Variants in AIG1 observed in about 807,000 individuals in gnomAD.
AIG1 encodes androgen induced 1.
Under a neutral mutation model 31.4 loss-of-function variants are expected in AIG1, and 23 were observed. The ratio of observed to expected loss-of-function variants is 0.73; its 90% CI spans 0.53 to 1.04. AIG1 has a LOEUF of 1.04. Ranked by LOEUF, AIG1 falls within the 50% of genes least tolerant of loss-of-function variation. AIG1 has a pLI of 0.00. For synonymous variants in AIG1, 100 were observed against 110.5 expected, an observed-to-expected ratio of 0.90 and a Z score of 0.60; for missense variants, 274 against 295.0, an observed-to-expected ratio of 0.93 and a Z score of 0.52.
At chr6:143,165,318 A>C (rs1019805804) in intron 3 of AIG1, 135 bp downstream of exon 3, 1 of 636,500 alleles carries the variant, frequency 1.6e-6, no homozygotes, top group Non-Finnish European at 2.7e-6. Context: ...GGAGATTAAA[A>C]TTAGAGAATA....
Position 143,288,956 on chromosome 6 carries a change from C to G in AIG1, c.515+4731C>G, listed in dbSNP as rs1248269262. Among the ~76,000 whole-genome samples the G allele has an allele frequency of 6.6e-6, 1 of 152,146 alleles. No homozygotes were observed. Among genetic ancestry groups the G allele is most frequent in the Non-Finnish European group, 1.5e-5 (1 of 68,032 alleles). ...GTTGTTTGAAAGAGTTAAGCTTTGT[C>G]TAAAGACTTTAAGTCAGTAGAAAGA... is the stretch of plus-strand genomic sequence containing the variant. On this transcript the variant is annotated intron_variant, in intron 4 of 5. Transcript: ENST00000357847. This position sits in a 1 kb window ranked among gnomAD's most constrained non-coding sequence, Gnocchi z 4.4.
chr6:143,077,770 T>C (rs192548999), intron 1 of AIG1, among the ~76,000 whole-genome samples: 1 of 152,346 alleles, frequency 6.6e-6, no homozygotes, highest in Non-Finnish European at 1.5e-5. Flanking sequence ...TCTTCAAATA[T>C]TTTTTCTATG....
At chr6:143,190,526 G>A in intron 3 of AIG1, 4 of 985,038 alleles carry the variant, frequency 4.1e-6, no homozygotes, top group Non-Finnish European at 3.6e-6. Flanking sequence ...TCATTGTCCT[G>A]TTCTTTTTAA....
intron 3 of AIG1, among the ~76,000 whole-genome samples, chr6:143,229,202 T>G (rs1439841651): frequency 1.3e-5 from 2 of 152,270 alleles, no homozygotes; most frequent in Non-Finnish European, 2.9e-5. Context: ...TTGTACTTAC[T>G]ACTCATATAT....
chr6:143,223,817 A>G (rs1051659660), intron 3 of AIG1, among the ~76,000 whole-genome samples: 2 of 152,230 alleles, frequency 1.3e-5, no homozygotes, highest in Non-Finnish European at 2.9e-5. Context: ...TTTTTAACAG[A>G]ATAACTATTT....
At chr6:143,130,788 A>G (rs1024361011) in intron 1 of AIG1, among the ~76,000 whole-genome samples, 1 of 152,114 alleles carries the variant, frequency 6.6e-6, no homozygotes, top group Non-Finnish European at 1.5e-5. Context: ...AATGTGCATC[A>G]TTGGGGTTTG....
intron 1 of AIG1, chr6:143,061,692 G>A (rs9484698): frequency 0.012 from 2,436 of 197,470 alleles, 64 homozygotes; most frequent in African/African-American, 0.052. Context: ...CAAGGTGACT[G>A]TACACACTTC....
At chr6:143,165,762 CTCAG>C (rs1786869639) in intron 3 of AIG1, among the ~76,000 whole-genome samples, 1 of 152,192 alleles carries the variant, frequency 6.6e-6, no homozygotes, top group Non-Finnish European at 1.5e-5. Context: ...TTTCCTTCTT[CTCAG>C]TCTAATTCTT....
At chr6:143,205,251 A>C (rs1420744203) in intron 3 of AIG1, among the ~76,000 whole-genome samples, 1 of 152,186 alleles carries the variant, frequency 6.6e-6, no homozygotes, top group Non-Finnish European at 1.5e-5. Context: ...AAAACATGAA[A>C]TCTGCTTTCT....
intron 1 of AIG1, among the ~76,000 whole-genome samples, chr6:143,117,257 G>A (rs1458760457): frequency 6.6e-6 from 1 of 152,102 alleles, no homozygotes; most frequent in Non-Finnish European, 1.5e-5. Flanking sequence ...GCAGGGAAGG[G>A]CCTGTGGGAC....
rs984178615 is a variant in AIG1, at chr6:143,291,617, C to T, written c.515+7392C>T. 1.3e-5 allele frequency among the ~76,000 whole-genome samples: 2 copies of T among 152,172 alleles called. No homozygotes were observed. Among genetic ancestry groups the T allele is most frequent in the Admixed American group, 6.5e-5 (1 of 15,276 alleles). ...ATATTCATCCTTCTTCCATTTCCCCCGCCAGAAAGGAAAGAGGCATCTCAG... is the reference window on the plus strand; with the variant it reads ...ATATTCATCCTTCTTCCATTTCCCCTGCCAGAAAGGAAAGAGGCATCTCAG... On this transcript the variant is annotated intron_variant, in intron 4 of 5. Coordinates refer to ENST00000357847, the MANE Select transcript of AIG1 (RefSeq NM_016108.4). This position sits in a 1 kb window ranked among gnomAD's most constrained non-coding sequence, Gnocchi z 4.2.
chr6:143,083,519 G>A (rs1778478802), intron 1 of AIG1, among the ~76,000 whole-genome samples: 1 of 152,184 alleles, frequency 6.6e-6, no homozygotes, highest in African/African-American at 2.4e-5. Context: ...TTGGGAAAGT[G>A]GAGTATAAGG....
intron 3 of AIG1, among the ~76,000 whole-genome samples, chr6:143,178,734 C>T (rs1227165589): frequency 1.3e-5 from 2 of 152,216 alleles, no homozygotes; most frequent in Non-Finnish European, 2.9e-5. Flanking sequence ...CTGAGTACCT[C>T]TAGTCAGCCA....
chr6:143,307,583 G>A (rs1357482724), intron 4 of AIG1, among the ~76,000 whole-genome samples: 1 of 152,178 alleles, frequency 6.6e-6, no homozygotes, highest in Non-Finnish European at 1.5e-5. Context: ...GGAGTACCTG[G>A]CAGTGTGAGG....
chr6:143,077,702 G>A (rs983498200), intron 1 of AIG1, among the ~76,000 whole-genome samples: 2 of 152,164 alleles, frequency 1.3e-5, no homozygotes, highest in African/African-American at 4.8e-5. Context: ...AGTGTGCTGA[G>A]CTTCTTGAAT....
intron 3 of AIG1, among the ~76,000 whole-genome samples, chr6:143,165,704 C>T (rs1023606206): frequency 1.3e-5 from 2 of 152,188 alleles, no homozygotes; most frequent in Non-Finnish European, 2.9e-5. Flanking sequence ...TTGTTTGCCT[C>T]GTAGGGTTCT....
chr6:143,274,237 T>C (rs1206714900), intron 3 of AIG1, among the ~76,000 whole-genome samples: 1 of 152,198 alleles, frequency 6.6e-6, no homozygotes, highest in Non-Finnish European at 1.5e-5. Flanking sequence ...GTTGTCCTGG[T>C]GCTCCATAGG....
chr6:143,171,514 TAA>T (rs1491224067), intron 3 of AIG1, among the ~76,000 whole-genome samples: 2 of 128,498 alleles, frequency 1.6e-5, no homozygotes, highest in South Asian at 2.2e-4. Context: ...TTAATATATA[TAA>T]TATATATATT....
chr6:143,100,534 A>G (rs1780166028), intron 1 of AIG1, among the ~76,000 whole-genome samples: 1 of 152,206 alleles, frequency 6.6e-6, no homozygotes. Context: ...TTTTATGAAA[A>G]TGTGTTAGTT....
Sources: gnomAD v4.1 joint callset for allele counts (sites outside exome capture counted in the v4.1 genomes callset) on GRCh38, gnomAD v4.1.1 for gene constraint, Gnocchi (gnomAD v3.1) non-coding constraint, MANE v1.5 for transcripts, NCBI Gene and HGNC (gene_info 2026-07-23, HGNC 2026-07-21) for gene names.